The following DLGAP2 variants were observed in gnomAD, a reference collection of about 807,000 sequenced individuals.
DLGAP2 encodes disks large-associated protein 2.
DLGAP2 carries 26 observed loss-of-function variants against 100.3 expected under a neutral mutation model. The ratio of observed to expected loss-of-function variants is 0.26; its 90% CI spans 0.19 to 0.36. The LOEUF (loss-of-function observed/expected upper bound fraction) is 0.36, where lower values mean the gene tolerates loss of function less well. DLGAP2 is among the 10% of genes least tolerant of loss of function. The pLI is 1.00. For synonymous variants in DLGAP2, 886 were observed against 630.1 expected (o/e 1.41, Z -6.08); for missense variants, 1,858 against 1,453.2 (o/e 1.28, Z -4.53).
intron 1 of DLGAP2, among the ~76,000 whole-genome samples, chr8:790,683 T>G (rs1822000907): frequency 6.6e-6 from 1 of 152,224 alleles, no homozygotes; most frequent in African/African-American, 2.4e-5. Flanking sequence ...TTTCTCTCTT[T>G]CATTTTAGGG....
rs760292969 is a variant in DLGAP2 at position 1,549,012 on chromosome 8, C to T, written c.559C>T (p.Arg187Cys). 9 of 1,597,616 alleles carry T rather than the reference C, an allele frequency of 5.6e-6. No individual in the cohort carries two copies. Among genetic ancestry groups the T allele is most frequent in the East Asian group, 2.2e-5 (1 of 44,620 alleles). ...AVAHAGAKIN[R>C]IPANLLDQFE... is the part of the protein sequence containing the mutation. ...GGCCCACGCGGGCGCCAAGATCAAC[C>T]GCATCCCGGCCAACCTGCTGGACCA... The change falls in exon 5 of 15, where the codon CGC becomes TGC. Residue 187 changes from arginine (R) to cysteine (C), a missense_variant. By Grantham distance (180) the Arg-to-Cys change is radical. Transcript: ENST00000637795.
At chr8:1,023,646 C>T (rs555753842) in intron 2 of DLGAP2, among the ~76,000 whole-genome samples, 27 of 151,770 alleles carry the variant, frequency 1.8e-4, no homozygotes, top group African/African-American at 5.8e-4. Flanking sequence ...TTGTTCCCCA[C>T]GTGTGGCTCA....
intron 6 of DLGAP2, among the ~76,000 whole-genome samples, chr8:1,616,312 A>C (rs117358938): frequency 1.3e-5 from 2 of 152,182 alleles, no homozygotes; most frequent in African/African-American, 4.8e-5. Context: ...GAGAAAACTG[A>C]GAGAATTTGG....
intron 1 of DLGAP2, among the ~76,000 whole-genome samples, chr8:835,648 C>T (rs1796858974): frequency 6.6e-6 from 1 of 152,178 alleles, no homozygotes; most frequent in African/African-American, 2.4e-5. Flanking sequence ...AACGAGTTCT[C>T]TTCCTGAACT....
chr8:1,376,305 C>G (rs542809333), intron 3 of DLGAP2, among the ~76,000 whole-genome samples: 7 of 152,210 alleles, frequency 4.6e-5, no homozygotes, highest in African/African-American at 1.7e-4. Flanking sequence ...GTCTCTGTGC[C>G]GTTTCTTCTC....
intron 2 of DLGAP2, among the ~76,000 whole-genome samples, chr8:994,640 C>T (rs1281469059): frequency 6.6e-6 from 1 of 152,162 alleles, no homozygotes; most frequent in Non-Finnish European, 1.5e-5. Context: ...TGGATGCATC[C>T]TTGCCTTTTA....
At chr8:1,467,084 A>T (rs539573695) in intron 3 of DLGAP2, among the ~76,000 whole-genome samples, 3 of 152,138 alleles carry the variant, frequency 2.0e-5, no homozygotes, top group African/African-American at 7.2e-5. Context: ...CGGGACCAGG[A>T]TGGTCAGTCC....
At chr8:1,428,514 A>G (rs532219250) in intron 3 of DLGAP2, among the ~76,000 whole-genome samples, 142 of 152,348 alleles carry the variant, frequency 9.3e-4, no homozygotes, top group Non-Finnish European at 1.0e-3. Flanking sequence ...TCTTGGTAAC[A>G]AAACAGGCCA....
At chr8:870,285 A>G (rs1381344357) in intron 1 of DLGAP2, among the ~76,000 whole-genome samples, 2 of 152,168 alleles carry the variant, frequency 1.3e-5, no homozygotes, top group Non-Finnish European at 2.9e-5. Context: ...CATGCAGATG[A>G]TGCTTATAAA....
intron 3 of DLGAP2, among the ~76,000 whole-genome samples, chr8:1,326,102 C>A (rs1585261998): frequency 6.6e-6 from 1 of 152,036 alleles, no homozygotes; most frequent in African/African-American, 2.4e-5. Context: ...TTTTCTTCTT[C>A]GATGGTTTCT....
chr8:974,878 A>G (rs1439964086), intron 2 of DLGAP2, among the ~76,000 whole-genome samples: 2 of 152,170 alleles, frequency 1.3e-5, no homozygotes, highest in African/African-American at 4.8e-5. Context: ...AAGCAGAAGA[A>G]AAGAAATACT....
Position 919,897 on chromosome 8 carries a change from A to C in DLGAP2, c.73+11931A>C, listed in dbSNP as rs372332327. Among the ~76,000 whole-genome samples the C allele has an allele frequency of 4.5e-4, 69 of 152,220 alleles. 2 individuals carry two copies. Among genetic ancestry groups the C allele is most frequent in the African/African-American group, 1.5e-3 (62 of 41,546 alleles). On this transcript the variant is annotated intron_variant, in intron 2 of 14. Transcript: ENST00000637795. ...CCTTTAAAATGGAAATGTCTTTGAA[A>C]CCTGGGTAGCAGTTTTAATAACTCC...
intron 1 of DLGAP2, among the ~76,000 whole-genome samples, chr8:795,905 T>C (rs78253278): frequency 0.012 from 443 of 37,744 alleles, 86 homozygotes; most frequent in South Asian, 0.027. Flanking sequence ...TGAGAGCAGC[T>C]GTCCAGTGAG....
At chr8:1,623,505 G>A (rs953501925) in intron 6 of DLGAP2, among the ~76,000 whole-genome samples, 5 of 150,736 alleles carry the variant, frequency 3.3e-5, no homozygotes, top group Admixed American at 6.6e-5. Flanking sequence ...GCACCAGTGC[G>A]TGATGACCTG....
At chr8:1,472,875 C>T (rs1298613378) in intron 3 of DLGAP2, among the ~76,000 whole-genome samples, 2 of 152,224 alleles carry the variant, frequency 1.3e-5, no homozygotes, top group Non-Finnish European at 2.9e-5. Context: ...ATGGCCCATA[C>T]ATTCCATTCC....
chr8:755,797 A>T (rs545630831), intron 1 of DLGAP2, among the ~76,000 whole-genome samples: 3 of 152,376 alleles, frequency 2.0e-5, no homozygotes, highest in Admixed American at 6.5e-5. Context: ...TGCTTTTGAA[A>T]GAGCAAAGTG....
At chr8:1,155,431 C>T (rs17065707) in intron 2 of DLGAP2, among the ~76,000 whole-genome samples, 26,510 of 152,052 alleles carry the variant, frequency 0.17, 2,379 homozygotes, top group East Asian at 0.23. Context: ...GCGGCGGGCG[C>T]ACCGGCTTCC....
chr8:928,547 C>A (rs922343119), intron 2 of DLGAP2, among the ~76,000 whole-genome samples: 2 of 151,994 alleles, frequency 1.3e-5, no homozygotes, highest in African/African-American at 4.8e-5. Flanking sequence ...GTACTTGACA[C>A]CTTGCAAAGG....
chr8:1,481,608 G>A (rs1250046710), intron 3 of DLGAP2, among the ~76,000 whole-genome samples: 3 of 148,544 alleles, frequency 2.0e-5, no homozygotes, highest in Non-Finnish European at 3.0e-5. Flanking sequence ...CCTCCTGAAT[G>A]GCTGGGATTA....
Sources: gnomAD v4.1 joint callset for allele counts (sites outside exome capture counted in the v4.1 genomes callset) on GRCh38, gnomAD v4.1.1 for gene constraint, MANE v1.5 for transcripts, NCBI Gene and HGNC (gene_info 2026-07-23, HGNC 2026-07-21) for gene names.